SMCR8: variants seen among roughly 807,000 people sequenced by gnomAD.
The protein encoded by SMCR8 is guanine nucleotide exchange protein SMCR8.
Under a neutral mutation model 56.6 loss-of-function variants are expected in SMCR8, and 30 were observed. The observed-to-expected ratio is 0.53, with a 90% CI of 0.40 to 0.72. The LOEUF is 0.72. Among genes scored for constraint, SMCR8 ranks in the 30% least tolerant of loss-of-function variants. The pLI is 0.00. For synonymous variants in SMCR8, 538 were observed against 456.0 expected (o/e 1.18, Z -2.29); for missense variants, 1,198 against 1,157.0 (o/e 1.04, Z -0.51).
chr17:18,316,810 A>G lies in SMCR8; in HGVS notation c.1021A>G (p.Ile341Val). 5 of 1,614,250 alleles carry G rather than the reference A, an allele frequency of 3.1e-6. No individual in the cohort carries two copies. Among genetic ancestry groups the G allele is most frequent in the Non-Finnish European group, 4.2e-6 (5 of 1,180,056 alleles). ...CCAGACCCTGGCTCAGCTCAGCCAC[A>G]TTGAACACATGTTCAGAGGAGACCT... ...FTQTLAQLSHIEHMFRGDLCY... is the reference protein window; with the variant it reads ...FTQTLAQLSHVEHMFRGDLCY... Residue 341 changes from isoleucine to valine, a missense_variant, in exon 1 of 2, where the codon ATT becomes GTT. Transcript: ENST00000406438.
chr17:18,317,462 A>C lies in SMCR8; in HGVS notation c.1673A>C (p.Gln558Pro). Residue 558 changes from glutamine to proline, a missense_variant, in exon 1 of 2, where the codon CAG becomes CCG. Coordinates refer to ENST00000406438, the MANE Select transcript of SMCR8 (RefSeq NM_144775.3). ...PDGNEGAIRF[Q>P]ASISPPELGE... is the part of the protein sequence containing the mutation. ...GGCAATGAAGGAGCCATCCGCTTCC[A>C]GGCAAGCATCAGTCCTCCAGAACTG... 6.2e-7 allele frequency: 1 copy of C among 1,614,108 alleles called. No individual in the cohort carries two copies. Among genetic ancestry groups the C allele is most frequent in the African/African-American group, 1.3e-5 (1 of 75,058 alleles).
intron 1 of SMCR8, among the ~76,000 whole-genome samples, chr17:18,318,996 G>A (rs1472908686): frequency 6.6e-6 from 1 of 152,220 alleles, no homozygotes; most frequent in African/African-American, 2.4e-5. Context: ...GGCAGGTGTG[G>A]GGAGCCCTGC....
In SMCR8 at chr17:18,325,510, G is replaced by C. The variant is rs1211315758; in HGVS notation, c.*2440G>C. 1 of 152,226 alleles carries C rather than the reference G, an allele frequency of 6.6e-6. No individual in the cohort carries two copies. The highest frequency in any genetic ancestry group is 1.5e-5 in the Non-Finnish European group (1 of 68,042). 9.4% of individuals were successfully genotyped at this position (152,226 alleles called of 1,614,324 possible). On this transcript the variant is annotated 3_prime_UTR_variant, in exon 2 of 2. Transcript: ENST00000406438. ...CTTCGTGACTAGTGTTTAGCTCCCA[G>C]ATTTATATTTGGGTTAAAAACTAAC...
chr17:18,320,568 G>C (rs1452256947), intron 1 of SMCR8, among the ~76,000 whole-genome samples: 4 of 152,186 alleles, frequency 2.6e-5, no homozygotes, highest in African/African-American at 9.7e-5. Flanking sequence ...ACTCTGGCCA[G>C]CCCCACTTTA....
rs1343712881 is a variant in SMCR8, at chr17:18,327,172, C to A, written c.*4102C>A. 1 of 152,092 alleles carries A rather than the reference C, an allele frequency of 6.6e-6. No homozygotes were observed. The highest frequency in any genetic ancestry group is 6.6e-5 in the Admixed American group (1 of 15,260). 9.4% of individuals were successfully genotyped at this position (152,092 alleles called of 1,614,324 possible). On this transcript the variant is annotated 3_prime_UTR_variant, in exon 2 of 2. Transcript: ENST00000406438. ...CTGGGCAAACTAAGTTTTCCTGAGCCCATTTTCCTTTGAGCCCTGACCTAG... is the reference window on the plus strand; with the variant it reads ...CTGGGCAAACTAAGTTTTCCTGAGCACATTTTCCTTTGAGCCCTGACCTAG...
rs889868458 is a variant in SMCR8 at position 18,323,509 on chromosome 17, G to T, written c.*439G>T. On this transcript the variant is annotated 3_prime_UTR_variant, in exon 2 of 2. Transcript: ENST00000406438. Reference sequence around the variant, plus strand: ...ACAGCCAGGTAACTGTTGTGGTTTGGTGGAAAACAGGAGGGCAGAACACCC... The same window carrying T: ...ACAGCCAGGTAACTGTTGTGGTTTGTTGGAAAACAGGAGGGCAGAACACCC... The T allele has an allele frequency of 5.5e-6, 1 of 182,118 alleles. No individual in the cohort carries two copies. Among genetic ancestry groups the T allele is most frequent in the Non-Finnish European group, 1.2e-5 (1 of 84,618 alleles). 11.3% of individuals were successfully genotyped at this position (182,118 alleles called of 1,614,324 possible). A position where few individuals can be genotyped will look rare whatever the true frequency, so the allele number is the denominator to read the frequency against.
chr17:18,322,536 C>T (rs1982528561), intron 1 of SMCR8, 81 bp from the exon 2 acceptor site: 8 of 1,290,708 alleles, frequency 6.2e-6, no homozygotes, highest in Non-Finnish European at 7.7e-6. Context: ...GGCCTGGGGA[C>T]AGGAGGCCTC....
Position 18,319,617 on chromosome 17 carries a change from C to G in SMCR8, c.2360+1468C>G, listed in dbSNP as rs1598000420. On this transcript the variant is annotated intron_variant, in intron 1 of 1. Transcript: ENST00000406438. ...TGGCCCTTGATTTTTTTCACTCTGC[C>G]TGGAAATGCTTGTAGTTGGGTCAGC... 2.0e-5 allele frequency among the ~76,000 whole-genome samples: 3 copies of G among 152,282 alleles called. No individual in the cohort carries two copies. The East Asian group carries it at 5.8e-4, about 29-fold the overall frequency.
At position 18,315,544 on chromosome 17, in the gene SMCR8, A is replaced by C; in HGVS notation, c.-246A>C. ...CTCGCCGGACGAAGAAGAGAAGGGC[A>C]GTTGGGCCTGCGGCCTTGGCGTTCA... On this transcript the variant is annotated 5_prime_UTR_variant, in exon 1 of 2. Transcript: ENST00000406438. 2.2e-6 allele frequency: 1 copy of C among 464,714 alleles called. No individual in the cohort carries two copies. Among genetic ancestry groups the C allele is most frequent in the East Asian group, 3.5e-5 (1 of 28,786 alleles). 28.8% of individuals were successfully genotyped at this position (464,714 alleles called of 1,614,324 possible). A position where few individuals can be genotyped will look rare whatever the true frequency, so the allele number is the denominator to read the frequency against.
intron 1 of SMCR8, among the ~76,000 whole-genome samples, chr17:18,320,002 C>A (rs943971656): frequency 6.6e-6 from 1 of 152,226 alleles, no homozygotes; most frequent in Non-Finnish European, 1.5e-5. Flanking sequence ...CCCGGCCCTG[C>A]TGTCATTTTA....
chr17:18,316,648 C>G lies in SMCR8; in HGVS notation c.859C>G (p.Pro287Ala), dbSNP rs148607883. 45 of 1,614,046 alleles carry G rather than the reference C, an allele frequency of 2.8e-5. No individual in the cohort carries two copies. The highest frequency in any genetic ancestry group is 3.6e-5 in the Non-Finnish European group (42 of 1,180,046). The change falls in exon 1 of 2, where the codon CCT (proline) becomes GCT (alanine). Residue 287 changes from proline to alanine, a missense_variant. Pro to Ala is a conservative substitution (Grantham distance 27). Coordinates refer to ENST00000406438, the MANE Select transcript of SMCR8 (RefSeq NM_144775.3). ...CAGCCAGGCATCCACTACCTCTAACCCTGATGAGTCTGCCGACACAGACCT... is the reference window on the plus strand; with the variant it reads ...CAGCCAGGCATCCACTACCTCTAACGCTGATGAGTCTGCCGACACAGACCT... ...QASQASTTSN[P>A]DESADTDLYT...
rs1982646467 is a variant in SMCR8 at position 18,326,165 on chromosome 17, A to C, written c.*3095A>C. On this transcript the variant is annotated 3_prime_UTR_variant, in exon 2 of 2. Transcript: ENST00000406438. ...CACTTCCCAGAAAATAGATGACATC[A>C]GTGCCCCTTGCTACTTTCTCAGTCC... is the stretch of plus-strand genomic sequence containing the variant. 1 of 152,244 alleles carries C rather than the reference A, an allele frequency of 6.6e-6. No individual in the cohort carries two copies. 9.4% of individuals were successfully genotyped at this position (152,244 alleles called of 1,614,324 possible).
Position 18,317,265 on chromosome 17 carries a change from C to T in SMCR8, c.1476C>T (p.Ser492=). The change falls in exon 1 of 2, where the codon AGC becomes AGT. Residue 492 remains serine, a synonymous_variant. Coordinates refer to ENST00000406438, the MANE Select transcript of SMCR8 (RefSeq NM_144775.3). The part of the protein sequence containing the change: ...SVLSKSDSQA[S]LTVPLSPQVV... ...TTTCTAAATCTGACAGCCAGGCAAG[C>T]CTCACAGTACCATTGAGCCCCCAGG... 6.2e-7 allele frequency: 1 copy of T among 1,614,118 alleles called. No individual in the cohort carries two copies. The highest frequency in any genetic ancestry group is 8.5e-7 in the Non-Finnish European group (1 of 1,180,048).
rs55905640 is a variant in SMCR8, at chr17:18,321,068, T to C, written c.2361-1549T>C. Among the ~76,000 whole-genome samples the C allele has an allele frequency of 4.4e-3, 667 of 152,368 alleles. 4 individuals carry two copies. The highest frequency in any genetic ancestry group is 6.2e-3 in the Non-Finnish European group (421 of 68,042). ...TACAGTGTTAGCTCCCAGGTCAATGTTGGGATGTTATAGATGCTCTGTAAA... is the reference window on the plus strand; with the variant it reads ...TACAGTGTTAGCTCCCAGGTCAATGCTGGGATGTTATAGATGCTCTGTAAA... On this transcript the variant is annotated intron_variant, in intron 1 of 1. Transcript: ENST00000406438.
rs1302570358 is a variant in SMCR8, at chr17:18,317,355, C to T, written c.1566C>T (p.Thr522=). The change falls in exon 1 of 2, where the codon ACC becomes ACT. Residue 522 remains threonine (T), a synonymous_variant. Coordinates refer to ENST00000406438, the MANE Select transcript of SMCR8 (RefSeq NM_144775.3). ...ISEDSIEVLS[T]CPSEALIPDD... ...AGGACAGTATTGAAGTCCTCAGTAC[C>T]TGCCCCTCTGAGGCCCTCATCCCTG... 1.2e-6 allele frequency: 2 copies of T among 1,614,026 alleles called. No homozygotes were observed. Among genetic ancestry groups the T allele is most frequent in the Non-Finnish European group, 8.5e-7 (1 of 1,180,022 alleles).
At chr17:18,318,698 C>T (rs1982408611) in intron 1 of SMCR8, among the ~76,000 whole-genome samples, 1 of 152,196 alleles carries the variant, frequency 6.6e-6, no homozygotes, top group African/African-American at 2.4e-5. Flanking sequence ...GCCACCGTGC[C>T]TGGCCGGAAA....
chr17:18,318,721 A>T (rs971389569), intron 1 of SMCR8, among the ~76,000 whole-genome samples: 1 of 152,158 alleles, frequency 6.6e-6, no homozygotes, highest in Non-Finnish European at 1.5e-5. Context: ...TTTTAAAATC[A>T]TGGATTCCTG....
chr17:18,322,297 C>G (rs908535450), intron 1 of SMCR8, among the ~76,000 whole-genome samples: 4 of 152,216 alleles, frequency 2.6e-5, no homozygotes, highest in African/African-American at 7.2e-5. Flanking sequence ...AGGTGTGAGC[C>G]ATTGCACCTG....
Position 18,317,877 on chromosome 17 carries a change from C to G in SMCR8, c.2088C>G (p.Gly696=). 1.9e-6 allele frequency: 3 copies of G among 1,614,182 alleles called. No individual in the cohort carries two copies. Among genetic ancestry groups the G allele is most frequent in the Non-Finnish European group, 2.5e-6 (3 of 1,180,032 alleles). The change falls in exon 1 of 2, where the codon GGC becomes GGG. Residue 696 remains glycine, a synonymous_variant. Coordinates refer to ENST00000406438, the MANE Select transcript of SMCR8 (RefSeq NM_144775.3). ...SDRIPSAYPA[G]LSSDRHKKRA... ...GGATCCCCTCTGCTTATCCTGCTGG[C>G]CTGTCTTCCGATAGGCATAAAAAGA...
Sources: allele counts gnomAD v4.1 joint callset (sites outside exome capture counted in the v4.1 genomes callset), GRCh38; gene constraint gnomAD v4.1.1; transcripts MANE v1.5; gene names NCBI Gene and HGNC (gene_info 2026-07-23, HGNC 2026-07-21).